FGF14: variants seen among roughly 807,000 people sequenced by gnomAD.
The protein encoded by FGF14 is fibroblast growth factor 14, also known as fibroblast growth factor homologous factor 4.
FGF14 carries 5 observed loss-of-function variants against 25.5 expected under a neutral mutation model. The observed-to-expected ratio is 0.20, with a 90% CI of 0.10 to 0.41. The LOEUF (loss-of-function observed/expected upper bound fraction) is 0.41, where lower values mean the gene tolerates loss of function less well. Ranked by LOEUF, FGF14 falls within the 10% of genes least tolerant of loss-of-function variation. The pLI, the probability that FGF14 is intolerant of heterozygous loss-of-function variation, is 1.00. For missense variants in FGF14, 222 were observed against 320.1 expected (o/e 0.69, Z 2.34); for synonymous variants, 138 against 118.3 (o/e 1.17, Z -1.08).
At chr13:101,934,647 C>G (rs1594767552) in intron 1 of FGF14, among the ~76,000 whole-genome samples, 1 of 152,282 alleles carries the variant, frequency 6.6e-6, no homozygotes, top group East Asian at 1.9e-4. Flanking sequence ...AAATGAACAT[C>G]AGAAAAACCC....
At chr13:102,257,190 A>G (rs2052481937) in intron 1 of FGF14, among the ~76,000 whole-genome samples, 1 of 152,156 alleles carries the variant, frequency 6.6e-6, no homozygotes, top group Non-Finnish European at 1.5e-5. Context: ...ACCTATTAGA[A>G]AAACAAAAAG....
chr13:101,946,860 T>G (rs529646584), intron 1 of FGF14, among the ~76,000 whole-genome samples: 22 of 152,322 alleles, frequency 1.4e-4, no homozygotes, highest in African/African-American at 5.1e-4. Flanking sequence ...GATCATTTCA[T>G]GAGGCACTTG....
At chr13:101,884,942 T>C (rs1436352654) in intron 1 of FGF14, among the ~76,000 whole-genome samples, 2 of 151,798 alleles carry the variant, frequency 1.3e-5, no homozygotes, top group Admixed American at 6.6e-5. Flanking sequence ...GGCTTGACTA[T>C]GAATAATTAG....
intron 1 of FGF14, among the ~76,000 whole-genome samples, chr13:102,273,176 T>C (rs1196331750): frequency 6.6e-6 from 1 of 152,174 alleles, no homozygotes; most frequent in Non-Finnish European, 1.5e-5. Flanking sequence ...ACGCTGGACA[T>C]ATGGTGTGGT....
At chr13:101,855,115 C>T (rs1253209428) in intron 3 of FGF14, among the ~76,000 whole-genome samples, 6 of 152,112 alleles carry the variant, frequency 3.9e-5, no homozygotes, top group East Asian at 3.9e-4. Context: ...ATCACACCCA[C>T]GCATTCTGCA....
upstream of FGF14, among the ~76,000 whole-genome samples, chr13:101,917,018 C>T (rs2033590134): frequency 6.6e-6 from 1 of 151,674 alleles, no homozygotes; most frequent in Non-Finnish European, 1.5e-5. Context: ...TGCCTTCTCG[C>T]CCTGCCCGGC....
intron 1 of FGF14, among the ~76,000 whole-genome samples, chr13:101,898,807 G>T (rs2138963553): frequency 6.6e-6 from 1 of 152,246 alleles, no homozygotes; most frequent in South Asian, 2.1e-4. Flanking sequence ...AAAGAAAATT[G>T]GTTGATGGCA....
At chr13:102,347,586 G>A (rs1049435018) in intron 1 of FGF14, among the ~76,000 whole-genome samples, 2 of 152,134 alleles carry the variant, frequency 1.3e-5, no homozygotes, top group South Asian at 2.1e-4. Context: ...AAGCCCTCTC[G>A]CACTTTTGCA....
chr13:102,021,270 T>C (rs2040636324), intron 1 of FGF14, among the ~76,000 whole-genome samples: 1 of 152,034 alleles, frequency 6.6e-6, no homozygotes, highest in African/African-American at 2.4e-5. Flanking sequence ...AACAATGATA[T>C]ATTTCTATGA....
chr13:101,943,824 A>ATATATATATATATATATATATATAT (rs553788083), intron 1 of FGF14, among the ~76,000 whole-genome samples: 1 of 126,944 alleles, frequency 7.9e-6, no homozygotes, highest in African/African-American at 3.7e-5. Flanking sequence ...AAAAAAAAAA[A>ATATATATATATATATATATATATAT]AAATATATAT....
chr13:101,964,269 G>C (rs1384102089), intron 1 of FGF14, among the ~76,000 whole-genome samples: 1 of 151,506 alleles, frequency 6.6e-6, no homozygotes, highest in Non-Finnish European at 1.5e-5. Context: ...TTTTTAACCT[G>C]GGTATTTAAA....
chr13:102,143,073 A>G (rs779434843), intron 1 of FGF14, among the ~76,000 whole-genome samples: 12 of 152,108 alleles, frequency 7.9e-5, no homozygotes, highest in African/African-American at 2.4e-4. Flanking sequence ...ATCCCCATAC[A>G]TGGCTGAATC....
intron 3 of FGF14, among the ~76,000 whole-genome samples, chr13:101,827,649 A>C (rs575973699): frequency 6.6e-6 from 1 of 151,964 alleles, no homozygotes; most frequent in Non-Finnish European, 1.5e-5. Flanking sequence ...TTGACAATGA[A>C]AACAACATTT....
At chr13:101,946,617 C>T (rs2035825323) in intron 1 of FGF14, among the ~76,000 whole-genome samples, 1 of 152,188 alleles carries the variant, frequency 6.6e-6, no homozygotes, top group African/African-American at 2.4e-5. Flanking sequence ...CCTCCTCAGG[C>T]TAACAGTAAA....
chr13:102,195,911 A>G (rs2049329526), intron 1 of FGF14, among the ~76,000 whole-genome samples: 3 of 151,874 alleles, frequency 2.0e-5, no homozygotes, highest in African/African-American at 7.2e-5. Flanking sequence ...TTACATTTGG[A>G]TAATGATTTT....
rs79526969 is a variant in FGF14, at chr13:101,777,109, T to G, written c.409-50299A>C. Among the ~76,000 whole-genome samples, 766 of 152,326 alleles carry G rather than the reference T, an allele frequency of 5.0e-3. 6 individuals are homozygous for G. The highest frequency in any genetic ancestry group is 0.017 in the African/African-American group (709 of 41,588). ...GCTTTGTATAGTACTATCATCTGAC[T>G]GCTTTATTCCCCCAAAATTCATATG... On this transcript the variant is annotated intron_variant, in intron 3 of 4. Transcript: ENST00000376143.
At chr13:102,347,556 G>T (rs185577750) in intron 1 of FGF14, among the ~76,000 whole-genome samples, 1 of 152,262 alleles carries the variant, frequency 6.6e-6, no homozygotes. Context: ...AGGGAGTAAG[G>T]CCTGCTGCGG....
At chr13:101,922,984 G>A (rs931505069) in intron 1 of FGF14, among the ~76,000 whole-genome samples, 2 of 151,388 alleles carry the variant, frequency 1.3e-5, no homozygotes, top group African/African-American at 2.4e-5. Flanking sequence ...CCACTATTTC[G>A]CCTTTCCTAA....
intron 1 of FGF14, among the ~76,000 whole-genome samples, chr13:102,069,503 T>C (rs949185492): frequency 2.0e-5 from 3 of 152,134 alleles, no homozygotes; most frequent in African/African-American, 4.8e-5. Flanking sequence ...TGCTCACTCT[T>C]TGGGTCCACG....
Sources: gnomAD v4.1 joint callset for allele counts (sites outside exome capture counted in the v4.1 genomes callset) on GRCh38, gnomAD v4.1.1 for gene constraint, MANE v1.5 for transcripts, NCBI Gene and HGNC (gene_info 2026-07-23, HGNC 2026-07-21) for gene names.